KANSL1: variants seen among roughly 807,000 people sequenced by gnomAD.
KANSL1 encodes KAT8 regulatory NSL complex subunit 1.
Under a neutral mutation model 103.6 loss-of-function variants are expected in KANSL1, and 22 were observed. That is an observed-to-expected ratio of 0.21 (90% CI 0.15 to 0.30). KANSL1 has a LOEUF of 0.30. KANSL1 is among the 10% of genes least tolerant of loss of function. The pLI is 1.00. For missense variants in KANSL1, 1,337 were observed against 1,399.8 expected (o/e 0.96, Z 0.72); for synonymous variants, 600 against 527.6 (o/e 1.14, Z -1.88).
chr17:46,127,788 A>G (rs1271881691), intron 2 of KANSL1, among the ~76,000 whole-genome samples: 4 of 152,034 alleles, frequency 2.6e-5, no homozygotes, highest in African/African-American at 9.7e-5. Context: ...AAAAAAAAAA[A>G]AAGTTAAATG....
rs550189615 is a variant in KANSL1, at chr17:46,179,281, G to C, written c.-89-7049C>G. 5.3e-5 allele frequency among the ~76,000 whole-genome samples: 8 copies of C among 152,282 alleles called. No individual in the cohort carries two copies. In the East Asian group the frequency reaches 1.3e-3, roughly 26 times the overall value. ...AACGTATCCAGCTGCTTCAAATACT[G>C]TAAGTCAGAACTAACTCCACACCCA... On this transcript the variant is annotated intron_variant, in intron 1 of 14. Coordinates refer to ENST00000432791, the MANE Select transcript of KANSL1 (RefSeq NM_015443.4).
chr17:46,113,734 A>G (rs2042923183), intron 2 of KANSL1, among the ~76,000 whole-genome samples: 1 of 152,176 alleles, frequency 6.6e-6, no homozygotes, highest in Non-Finnish European at 1.5e-5. Flanking sequence ...TACAGATGTA[A>G]CCTACATGGG....
chr17:46,191,927 T>C (rs8073504), intron 1 of KANSL1, among the ~76,000 whole-genome samples: 4,408 of 150,704 alleles, frequency 0.029, 181 homozygotes, highest in African/African-American at 0.09. Context: ...CCCCTACGAG[T>C]TGTGCTTCTA....
chr17:46,180,064 TA>T (rs1280293623), intron 1 of KANSL1, among the ~76,000 whole-genome samples: 4,762 of 140,844 alleles, frequency 0.034, 195 homozygotes, highest in African/African-American at 0.1. Flanking sequence ...GACTCCATCT[TA>T]AAAAAAAAAA....
At chr17:46,164,810 C>G (rs933698362) in intron 2 of KANSL1, among the ~76,000 whole-genome samples, 9 of 152,366 alleles carry the variant, frequency 5.9e-5, no homozygotes, top group African/African-American at 2.2e-4. Flanking sequence ...CACGTAGGGT[C>G]AGCTCCCTCA....
At chr17:46,158,381 A>G (rs1447671268) in intron 2 of KANSL1, among the ~76,000 whole-genome samples, 4 of 135,586 alleles carry the variant, frequency 3.0e-5, no homozygotes, top group African/African-American at 8.4e-5. Context: ...TTTTTTTTTG[A>G]GACAGTCTCG....
chr17:46,155,515 G>A (rs1280127935), intron 2 of KANSL1, among the ~76,000 whole-genome samples: 1 of 152,142 alleles, frequency 6.6e-6, no homozygotes, highest in Non-Finnish European at 1.5e-5. Flanking sequence ...ATAAAGTCTG[G>A]AAAAATTTTG....
At chr17:46,173,135 T>C (rs1312750710) in intron 1 of KANSL1, among the ~76,000 whole-genome samples, 3 of 152,230 alleles carry the variant, frequency 2.0e-5, no homozygotes, top group African/African-American at 4.8e-5. Flanking sequence ...CTTCTTCTAA[T>C]TCTTTCCTGA....
rs138565467 is a variant in KANSL1 at position 46,170,955 on chromosome 17, C to T, written c.1189G>A (p.Ala397Thr). Residue 397 changes from alanine (A) to threonine (T), a missense_variant, in exon 2 of 15, where the codon GCA (alanine) becomes ACA (threonine). Physicochemically the swap from Ala to Thr is moderately conservative, Grantham distance 58. Coordinates refer to ENST00000432791, the MANE Select transcript of KANSL1 (RefSeq NM_015443.4). ...CTGTCAGTGACATCTGAATCAAATGCCTGTTCACTGCACCTCAAGTTGGCT... is the reference window on the plus strand; with the variant it reads ...CTGTCAGTGACATCTGAATCAAATGTCTGTTCACTGCACCTCAAGTTGGCT... ...GIANLRCSEQ[A>T]FDSDVTDSSS... 168 of 1,614,046 alleles carry T rather than the reference C, an allele frequency of 1.0e-4. No individual in the cohort carries two copies. Among genetic ancestry groups the T allele is most frequent in the Non-Finnish European group, 1.3e-4 (154 of 1,180,056 alleles).
At chr17:46,188,559 A>G (rs957236551) in intron 1 of KANSL1, among the ~76,000 whole-genome samples, 1 of 152,252 alleles carries the variant, frequency 6.6e-6, no homozygotes, top group Non-Finnish European at 1.5e-5. Flanking sequence ...TAGGCAAGCC[A>G]GGTGTCTGGG....
At chr17:46,066,405 G>T in intron 6 of KANSL1, 132 bp downstream of exon 6, 2 of 652,428 alleles carry the variant, frequency 3.1e-6, no homozygotes, top group Non-Finnish European at 2.4e-6. Flanking sequence ...CAGGAACCTA[G>T]TATTTTATAA....
chr17:46,137,879 A>G (rs1485134694), intron 2 of KANSL1, among the ~76,000 whole-genome samples: 4 of 152,096 alleles, frequency 2.6e-5, no homozygotes, highest in Non-Finnish European at 4.4e-5. Context: ...AAAAAAAAAA[A>G]AAAGAAAATT....
At chr17:46,050,383 T>C in intron 7 of KANSL1, 150 bp downstream of exon 7, 1 of 739,016 alleles carries the variant, frequency 1.4e-6, no homozygotes, top group Non-Finnish European at 2.2e-6. Context: ...TCTGTTACAG[T>C]CTTTTTGCAA....
intron 6 of KANSL1, among the ~76,000 whole-genome samples, chr17:46,064,367 T>C (rs543892103): frequency 1.3e-5 from 2 of 152,338 alleles, no homozygotes; most frequent in South Asian, 2.1e-4. Flanking sequence ...ATGTTGCTAG[T>C]GGCTCTCTTA....
At chr17:46,216,436 TA>T (rs1181572824) in intron 1 of KANSL1, among the ~76,000 whole-genome samples, 3 of 151,658 alleles carry the variant, frequency 2.0e-5, no homozygotes, top group Non-Finnish European at 4.4e-5. Context: ...CCATCTCTAC[TA>T]AAACTACAAA....
At chr17:46,113,302 G>T (rs909032180) in intron 2 of KANSL1, among the ~76,000 whole-genome samples, 5 of 152,152 alleles carry the variant, frequency 3.3e-5, no homozygotes, top group African/African-American at 9.7e-5. Context: ...CCCCATCATG[G>T]CCCCACGTGT....
At chr17:46,043,253 A>AT (rs974824473) in intron 7 of KANSL1, 1 of 151,536 alleles carries the variant, frequency 6.6e-6, no homozygotes, top group Non-Finnish European at 1.5e-5. Flanking sequence ...CATAGATTTT[A>AT]TTTTTTCCTT....
At chr17:46,126,202 G>A (rs1182009078) in intron 2 of KANSL1, among the ~76,000 whole-genome samples, 2 of 152,192 alleles carry the variant, frequency 1.3e-5, no homozygotes, top group African/African-American at 2.4e-5. Context: ...AGCACTTTGG[G>A]AGGCCGAGTC....
chr17:46,177,780 C>CTTT (rs67765122), intron 1 of KANSL1, among the ~76,000 whole-genome samples: 1 of 146,670 alleles, frequency 6.8e-6, no homozygotes, highest in South Asian at 2.1e-4. Context: ...CAGTAACATT[C>CTTT]TTTTTTTTTT....
Sources: allele counts gnomAD v4.1 joint callset (sites outside exome capture counted in the v4.1 genomes callset), GRCh38; gene constraint gnomAD v4.1.1; transcripts MANE v1.5; gene names NCBI Gene and HGNC (gene_info 2026-07-23, HGNC 2026-07-21).